The following CDH18 variants were observed in gnomAD, a reference collection of about 807,000 sequenced individuals.
CDH18 encodes the protein cadherin 18, also known as cadherin-18.
Under a neutral mutation model 67.9 loss-of-function variants are expected in CDH18, and 31 were observed. That is an observed-to-expected ratio of 0.46 (90% CI 0.34 to 0.62). The LOEUF (loss-of-function observed/expected upper bound fraction) is 0.62, where lower values mean the gene tolerates loss of function less well. Among genes scored for constraint, CDH18 ranks in the 20% least tolerant of loss-of-function variants. The pLI, the probability that CDH18 is intolerant of heterozygous loss-of-function variation, is 0.01. For synonymous variants in CDH18, 362 were observed against 347.2 expected, an observed-to-expected ratio of 1.04 and a Z score of -0.48; for missense variants, 890 against 975.5, an observed-to-expected ratio of 0.91 and a Z score of 1.17.
chr5:20,026,517 C>T (rs1450185558), intron 2 of CDH18, among the ~76,000 whole-genome samples: 1 of 152,078 alleles, frequency 6.6e-6, no homozygotes, highest in Non-Finnish European at 1.5e-5. Context: ...ATCCTAATTT[C>T]CCGCCATATA....
intron 1 of CDH18, among the ~76,000 whole-genome samples, chr5:20,285,621 G>A (rs1746641400): frequency 6.6e-6 from 1 of 151,330 alleles, no homozygotes; most frequent in Non-Finnish European, 1.5e-5. Context: ...ATGCATATAT[G>A]AGTGATGAAT....
intron 1 of CDH18, among the ~76,000 whole-genome samples, chr5:20,453,236 T>C (rs1438250432): frequency 6.6e-6 from 1 of 152,188 alleles, no homozygotes; most frequent in Non-Finnish European, 1.5e-5. Context: ...AGTGTTGCCT[T>C]TCTGCTCACT....
intron 2 of CDH18, among the ~76,000 whole-genome samples, chr5:20,123,187 G>C (rs1053016685): frequency 2.0e-5 from 3 of 151,898 alleles, no homozygotes; most frequent in African/African-American, 7.3e-5. Flanking sequence ...GAAATATAAG[G>C]AACATACGTG....
chr5:20,527,152 G>C (rs926564616), intron 1 of CDH18, among the ~76,000 whole-genome samples: 1 of 152,016 alleles, frequency 6.6e-6, no homozygotes, highest in African/African-American at 2.4e-5. Flanking sequence ...AACTGGAAGA[G>C]AGAATATCAG....
In CDH18 at chr5:19,932,133, C is replaced by T. The variant is rs956203436; in HGVS notation, c.-257+48927G>A. 4.6e-5 allele frequency among the ~76,000 whole-genome samples: 7 copies of T among 151,630 alleles called. No homozygotes were observed. In the Admixed American group the frequency reaches 4.6e-4, roughly 10 times the overall value. On this transcript the variant is annotated intron_variant, in intron 2 of 12. Coordinates refer to ENST00000382275, the MANE Select transcript of CDH18 (RefSeq NM_004934.5). ...ACCAATGAGAATGAACTGTAGATTCCATATGTGGCATATGGGATATCTTAT... is the reference window on the plus strand; with the variant it reads ...ACCAATGAGAATGAACTGTAGATTCTATATGTGGCATATGGGATATCTTAT...
intron 6 of CDH18, among the ~76,000 whole-genome samples, chr5:19,596,740 A>T (rs1746235811): frequency 6.6e-6 from 1 of 152,236 alleles, no homozygotes; most frequent in South Asian, 2.1e-4. Context: ...GTTTATAGAA[A>T]AAAAACCTGA....
In CDH18 at chr5:20,555,408, C is replaced by CTTTTTTTTTTTTTTTTTTTTTTTTT. The variant is rs774396694; in HGVS notation, c.-580+20029_-580+20053dup. 1.6e-4 allele frequency among the ~76,000 whole-genome samples: 17 copies of CTTTTTTTTTTTTTTTTTTTTTTTTT among 103,658 alleles called. 1 individual carries two copies. The highest frequency in any genetic ancestry group is 1.6e-4 in the African/African-American group (4 of 24,370). 68.0% of individuals were successfully genotyped at this position (103,658 alleles called of 152,430 possible). ...GCCAGAACCACCAAGACAAGCTTTT[C>CTTTTTTTTTTTTTTTTTTTTTTTTT]TTTTTTTTTTTTTTTTTTTTTTTTT... On this transcript the variant is annotated intron_variant, in intron 1 of 14. Transcript: ENST00000507958.
At chr5:20,412,654 A>C (rs373588491) in intron 1 of CDH18, among the ~76,000 whole-genome samples, 18 of 152,268 alleles carry the variant, frequency 1.2e-4, no homozygotes, top group African/African-American at 4.3e-4. Context: ...CAACAACAAA[A>C]AATTGTATTA....
chr5:20,356,747 C>CTA (rs1345155159), intron 1 of CDH18, among the ~76,000 whole-genome samples: 212 of 133,770 alleles, frequency 1.6e-3, no homozygotes, highest in South Asian at 4.2e-3. Flanking sequence ...CTCTCTCTCT[C>CTA]TCTCTCTATA....
intron 1 of CDH18, among the ~76,000 whole-genome samples, chr5:20,490,329 A>G (rs1409869837): frequency 6.6e-6 from 1 of 152,044 alleles, no homozygotes; most frequent in Admixed American, 6.6e-5. Flanking sequence ...TCTAATATCA[A>G]TAGCCAATGA....
intron 2 of CDH18, among the ~76,000 whole-genome samples, chr5:19,882,447 T>G (rs556932369): frequency 3.3e-4 from 51 of 152,256 alleles, no homozygotes; most frequent in Admixed American, 9.8e-4. Context: ...TTTCTTAGGA[T>G]CATTAAGTCA....
At chr5:19,718,230 C>T (rs1765579781) in intron 5 of CDH18, among the ~76,000 whole-genome samples, 1 of 151,876 alleles carries the variant, frequency 6.6e-6, no homozygotes, top group Admixed American at 6.6e-5. Context: ...TAGTCATAAG[C>T]ACTCACAAGT....
intron 2 of CDH18, among the ~76,000 whole-genome samples, chr5:20,156,331 G>T (rs978881447): frequency 6.6e-6 from 1 of 152,086 alleles, no homozygotes; most frequent in East Asian, 1.9e-4. Flanking sequence ...ATCAACCTAA[G>T]TGTCCAACAA....
chr5:20,137,076 C>T (rs1326091168), intron 2 of CDH18, among the ~76,000 whole-genome samples: 1 of 152,062 alleles, frequency 6.6e-6, no homozygotes, highest in Non-Finnish European at 1.5e-5. Flanking sequence ...TTGCTCTTCT[C>T]AAGGAGTATC....
chr5:19,864,912 G>A (rs975378259), intron 2 of CDH18, among the ~76,000 whole-genome samples: 17 of 152,136 alleles, frequency 1.1e-4, no homozygotes, highest in African/African-American at 2.9e-4. Flanking sequence ...CACAACCAAC[G>A]ACCAATGAGG....
At chr5:20,456,600 G>A (rs1750851506) in intron 1 of CDH18, among the ~76,000 whole-genome samples, 1 of 151,806 alleles carries the variant, frequency 6.6e-6, no homozygotes, top group Non-Finnish European at 1.5e-5. Context: ...TCTCTCAAAG[G>A]GAAAACAGTA....
chr5:19,627,076 T>C (rs1262382372), intron 5 of CDH18, among the ~76,000 whole-genome samples: 1 of 152,234 alleles, frequency 6.6e-6, no homozygotes, highest in Admixed American at 6.5e-5. Context: ...TATAGAACAA[T>C]GTGTTCATCT....
At chr5:19,653,105 C>T (rs1315222510) in intron 5 of CDH18, among the ~76,000 whole-genome samples, 1 of 151,726 alleles carries the variant, frequency 6.6e-6, no homozygotes, top group East Asian at 2.0e-4. Flanking sequence ...TTTTTAGATA[C>T]CAATATATTA....
chr5:20,019,483 T>C (rs994244574), intron 2 of CDH18, among the ~76,000 whole-genome samples: 1 of 152,092 alleles, frequency 6.6e-6, no homozygotes, highest in African/African-American at 2.4e-5. Context: ...TGGGGGCCAA[T>C]TTGCCTCTTG....
Sources: allele counts gnomAD v4.1 joint callset (sites outside exome capture counted in the v4.1 genomes callset), GRCh38; gene constraint gnomAD v4.1.1; transcripts MANE v1.5; gene names NCBI Gene and HGNC (gene_info 2026-07-23, HGNC 2026-07-21).